The following CTNNA3 variants were observed in gnomAD, a reference collection of about 807,000 sequenced individuals.
CTNNA3 encodes the protein catenin alpha 3.
CTNNA3 carries 76 observed loss-of-function variants against 95.7 expected under a neutral mutation model. That is an observed-to-expected ratio of 0.79 (90% CI 0.66 to 0.96). CTNNA3 has a LOEUF of 0.96. Among genes scored for constraint, CTNNA3 ranks in the 40% least tolerant of loss-of-function variants. The pLI, the probability that CTNNA3 is intolerant of heterozygous loss-of-function variation, is 0.00. For synonymous variants in CTNNA3, 431 were observed against 374.4 expected (o/e 1.15, Z -1.74); for missense variants, 1,191 against 1,089.8 (o/e 1.09, Z -1.31).
Position 66,014,011 on chromosome 10 carries a change from T to C in CTNNA3, c.2160-25214A>G, listed in dbSNP as rs973252129. Among the ~76,000 whole-genome samples the C allele has an allele frequency of 2.5e-4, 38 of 152,188 alleles. 1 individual carries two copies. The highest frequency in any genetic ancestry group is 2.0e-3 in the Admixed American group (31 of 15,280). On this transcript the variant is annotated intron_variant, in intron 15 of 17. Coordinates refer to ENST00000433211, the MANE Select transcript of CTNNA3 (RefSeq NM_013266.4). ...CAACATTCTCCTGAAATTTCTAAAA[T>C]GTTTCAGTAATAACAACTTGTGAAG...
At chr10:67,285,974 G>A (rs1839586939) in intron 5 of CTNNA3, among the ~76,000 whole-genome samples, 1 of 152,082 alleles carries the variant, frequency 6.6e-6, no homozygotes, top group Admixed American at 6.6e-5. Context: ...GCCTATTTTG[G>A]AATAGCAGGT....
intron 7 of CTNNA3, among the ~76,000 whole-genome samples, chr10:67,029,468 A>C (rs1336153696): frequency 1.3e-5 from 2 of 152,158 alleles, no homozygotes; most frequent in African/African-American, 4.8e-5. Context: ...TGTCTTAGGA[A>C]AAGCATGATA....
intron 17 of CTNNA3, among the ~76,000 whole-genome samples, chr10:65,924,278 C>A (rs1458223098): frequency 1.3e-5 from 2 of 152,102 alleles, no homozygotes; most frequent in East Asian, 3.9e-4. Flanking sequence ...TTCTCAGCAC[C>A]ATCAATCAGG....
intron 3 of CTNNA3, among the ~76,000 whole-genome samples, chr10:67,581,913 T>C (rs1449651405): frequency 6.6e-6 from 1 of 152,208 alleles, no homozygotes; most frequent in East Asian, 1.9e-4. Flanking sequence ...ATATCCCCTT[T>C]ATCATTTTTT....
At chr10:66,699,579 C>T (rs1442899022) in intron 9 of CTNNA3, among the ~76,000 whole-genome samples, 1 of 151,878 alleles carries the variant, frequency 6.6e-6, no homozygotes, top group Non-Finnish European at 1.5e-5. Flanking sequence ...TTTATAAATA[C>T]ATACACATAT....
intron 7 of CTNNA3, among the ~76,000 whole-genome samples, chr10:67,061,397 GA>G (rs1158720656): frequency 1.3e-5 from 2 of 152,140 alleles, no homozygotes; most frequent in African/African-American, 4.8e-5. Context: ...GTAATTTTTA[GA>G]TGTGGTATCA....
At chr10:66,293,049 T>C (rs1270360812) in intron 12 of CTNNA3, among the ~76,000 whole-genome samples, 1 of 152,174 alleles carries the variant, frequency 6.6e-6, no homozygotes, top group African/African-American at 2.4e-5. Flanking sequence ...CTTATTGATA[T>C]GTATAAGTTT....
At chr10:66,069,171 A>C in intron 15 of CTNNA3, 137 bp downstream of exon 15, 1 of 755,348 alleles carries the variant, frequency 1.3e-6, no homozygotes, top group Non-Finnish European at 2.2e-6. Context: ...TACACCTACA[A>C]CTTTCTAATA....
At chr10:67,544,222 G>C (rs956289525) in intron 3 of CTNNA3, among the ~76,000 whole-genome samples, 2 of 152,106 alleles carry the variant, frequency 1.3e-5, no homozygotes, top group African/African-American at 4.8e-5. Context: ...TTTGCTTCCA[G>C]TCAAGGGAGA....
intron 5 of CTNNA3, among the ~76,000 whole-genome samples, chr10:67,279,763 TA>T (rs1319384546): frequency 6.7e-6 from 1 of 150,244 alleles, no homozygotes. Context: ...TCTAACCTCC[TA>T]AAGCCACCCA....
chr10:66,186,342 C>T (rs2086345584), intron 13 of CTNNA3, among the ~76,000 whole-genome samples: 1 of 151,502 alleles, frequency 6.6e-6, no homozygotes, highest in Admixed American at 6.6e-5. Context: ...TGTTGGAAAG[C>T]TTACAATTTT....
At chr10:66,861,600 T>G (rs1231136393) in intron 7 of CTNNA3, among the ~76,000 whole-genome samples, 4 of 152,174 alleles carry the variant, frequency 2.6e-5, no homozygotes, top group Non-Finnish European at 4.4e-5. Context: ...GGATACATAT[T>G]GTAAAAATTC....
chr10:67,247,355 C>T (rs866333719), intron 5 of CTNNA3, among the ~76,000 whole-genome samples: 56 of 152,246 alleles, frequency 3.7e-4, no homozygotes, highest in African/African-American at 1.0e-3. Flanking sequence ...TACTTATAGA[C>T]ACTTGCTGTG....
rs78081324 is a variant in CTNNA3 at position 67,571,746 on chromosome 10, G to A, written c.293-32077C>T. ...GAGGGCAGAGAAGAAGCTGAGAGAA[G>A]TTGAACTAAAGCTTGGACTGTACGG... On this transcript the variant is annotated intron_variant, in intron 3 of 17. Transcript: ENST00000433211. Among the ~76,000 whole-genome samples, 3,635 of 152,250 alleles carry A rather than the reference G, an allele frequency of 0.024. 308 individuals carry two copies. In the East Asian group the frequency reaches 0.29, roughly 12 times the overall value.
chr10:66,905,908 G>T (rs1163360991), intron 7 of CTNNA3, among the ~76,000 whole-genome samples: 2 of 152,104 alleles, frequency 1.3e-5, no homozygotes, highest in East Asian at 3.9e-4. Context: ...ACAGATCTGT[G>T]TACAACATTG....
intron 9 of CTNNA3, among the ~76,000 whole-genome samples, chr10:66,713,282 T>C (rs769693775): frequency 1.1e-4 from 16 of 152,168 alleles, no homozygotes; most frequent in Non-Finnish European, 1.9e-4. Context: ...GTTCCTGCAA[T>C]TGCCTCACTT....
intron 5 of CTNNA3, among the ~76,000 whole-genome samples, chr10:67,485,822 A>G (rs1244793495): frequency 6.6e-6 from 1 of 152,328 alleles, no homozygotes; most frequent in East Asian, 1.9e-4. Context: ...TTCCACTCAG[A>G]AAAGCTTTCC....
At chr10:67,402,875 T>A (rs910351320) in intron 5 of CTNNA3, among the ~76,000 whole-genome samples, 10 of 152,048 alleles carry the variant, frequency 6.6e-5, no homozygotes, top group African/African-American at 1.9e-4. Flanking sequence ...TACAACTCAG[T>A]CAAGGCGGGA....
chr10:66,775,527 G>A lies in CTNNA3; in HGVS notation c.1048-3C>T, dbSNP rs1840261441. 6.3e-7 allele frequency: 1 copy of A among 1,597,018 alleles called. No homozygotes were observed. Among genetic ancestry groups the A allele is most frequent in the Non-Finnish European group, 8.5e-7 (1 of 1,171,620 alleles). Reference sequence around the variant, plus strand: ...TTACTCCTTTCTTTTTTTCCAGCCTGCAAAGAAGAAAAAACGACATAAGCA... The same window carrying A: ...TTACTCCTTTCTTTTTTTCCAGCCTACAAAGAAGAAAAAACGACATAAGCA... On this transcript the variant is annotated splice_region_variant and splice_polypyrimidine_tract_variant and intron_variant, in intron 7 of 17. Transcript: ENST00000433211.
Sources: gnomAD v4.1 joint callset for allele counts (sites outside exome capture counted in the v4.1 genomes callset) on GRCh38, gnomAD v4.1.1 for gene constraint, MANE v1.5 for transcripts, NCBI Gene and HGNC (gene_info 2026-07-23, HGNC 2026-07-21) for gene names.